Variants in RABGAP1L observed in about 807,000 individuals in gnomAD.
The protein encoded by RABGAP1L is rab GTPase-activating protein 1-like.
RABGAP1L carries 63 observed loss-of-function variants against 137.7 expected under a neutral mutation model. The observed-to-expected ratio is 0.46, with a 90% confidence interval of 0.37 to 0.56. The LOEUF (loss-of-function observed/expected upper bound fraction) is 0.56. Among genes scored for constraint, RABGAP1L ranks in the 20% least tolerant of loss-of-function variants. RABGAP1L has a pLI of 0.00. For missense variants in RABGAP1L, 1,095 were observed against 1,244.0 expected (o/e 0.88, Z 1.80); for synonymous variants, 431 against 433.7 (o/e 0.99, Z 0.08).
At chr1:174,283,372 A>G (rs980765420) in intron 10 of RABGAP1L, among the ~76,000 whole-genome samples, 2 of 151,994 alleles carry the variant, frequency 1.3e-5, no homozygotes, top group South Asian at 2.1e-4. Context: ...TGCCACTTGC[A>G]CTCCAGCCTG....
intron 16 of RABGAP1L, 134 bp downstream of exon 16, chr1:174,699,784 C>A: frequency 1.2e-6 from 1 of 851,684 alleles, no homozygotes; most frequent in Non-Finnish European, 1.8e-6. Context: ...GATTTAGTTT[C>A]AGACCAATAT....
intron 19 of RABGAP1L, among the ~76,000 whole-genome samples, chr1:174,933,747 A>G (rs1021262993): frequency 6.6e-6 from 1 of 152,160 alleles, no homozygotes; most frequent in Non-Finnish European, 1.5e-5. Flanking sequence ...TAGAGTCTCA[A>G]CTTAGTATTC....
intron 18 of RABGAP1L, among the ~76,000 whole-genome samples, chr1:174,787,009 G>T (rs772396037): frequency 6.6e-6 from 1 of 152,104 alleles, no homozygotes; most frequent in Non-Finnish European, 1.5e-5. Flanking sequence ...GGAGACAGAC[G>T]TGCCTACAAA....
chr1:174,479,436 A>G (rs1658847191), intron 13 of RABGAP1L, among the ~76,000 whole-genome samples: 1 of 152,148 alleles, frequency 6.6e-6, no homozygotes, highest in African/African-American at 2.4e-5. Flanking sequence ...GGGACCCAGG[A>G]ATTTGCACTT....
chr1:174,558,760 C>T (rs1667034255), intron 13 of RABGAP1L, among the ~76,000 whole-genome samples: 1 of 152,010 alleles, frequency 6.6e-6, no homozygotes, highest in Admixed American at 6.6e-5. Context: ...AGGTTCATTC[C>T]CGTGGGCATT....
chr1:174,323,183 G>C (rs760107293), intron 11 of RABGAP1L, among the ~76,000 whole-genome samples: 3 of 151,910 alleles, frequency 2.0e-5, no homozygotes, highest in African/African-American at 7.3e-5. Flanking sequence ...CTGTTTTGTG[G>C]CATATATATT....
At chr1:174,260,650 T>C (rs1673505091) in intron 7 of RABGAP1L, among the ~76,000 whole-genome samples, 3 of 152,216 alleles carry the variant, frequency 2.0e-5, no homozygotes, top group African/African-American at 7.2e-5. Flanking sequence ...GCCATTATTA[T>C]GGGTTTTGGT....
chr1:174,335,704 G>C (rs553552787), intron 11 of RABGAP1L, among the ~76,000 whole-genome samples: 1 of 152,290 alleles, frequency 6.6e-6, no homozygotes, highest in African/African-American at 2.4e-5. Context: ...TTGTAACATG[G>C]ATAGTAAACT....
chr1:174,444,600 T>C (rs891942086), intron 13 of RABGAP1L, among the ~76,000 whole-genome samples: 1 of 152,140 alleles, frequency 6.6e-6, no homozygotes. Flanking sequence ...AGACTTTTTA[T>C]TATTGCTTCA....
intron 11 of RABGAP1L, among the ~76,000 whole-genome samples, chr1:174,317,334 T>C (rs909268903): frequency 1.3e-5 from 2 of 152,122 alleles, no homozygotes; most frequent in African/African-American, 4.8e-5. Context: ...GGTTATTTCA[T>C]GTCCAAGGCT....
chr1:174,583,633 A>G (rs998119994), intron 13 of RABGAP1L, among the ~76,000 whole-genome samples: 2 of 152,150 alleles, frequency 1.3e-5, no homozygotes, highest in Non-Finnish European at 2.9e-5. Context: ...AGGAATGGCC[A>G]TGTATTTGCT....
intron 15 of RABGAP1L, among the ~76,000 whole-genome samples, chr1:174,696,617 T>C (rs955599830): frequency 1.2e-4 from 18 of 152,212 alleles, no homozygotes; most frequent in Admixed American, 1.2e-3. Flanking sequence ...GTGTGCCTGC[T>C]AAATTCTGCC....
intron 16 of RABGAP1L, chr1:174,700,292 C>T (rs1177613480): frequency 6.6e-6 from 1 of 152,136 alleles, no homozygotes; most frequent in Admixed American, 6.5e-5. Flanking sequence ...GGAGTTCTAC[C>T]TGAAGTTGAT....
intron 14 of RABGAP1L, among the ~76,000 whole-genome samples, chr1:174,638,235 A>T (rs1017164678): frequency 2.6e-5 from 4 of 152,244 alleles, no homozygotes; most frequent in Non-Finnish European, 5.9e-5. Flanking sequence ...CTAATTTGTA[A>T]GTTAGGTAAT....
At chr1:174,294,589 T>C (rs1676937440) in intron 10 of RABGAP1L, among the ~76,000 whole-genome samples, 1 of 152,166 alleles carries the variant, frequency 6.6e-6, no homozygotes, top group South Asian at 2.1e-4. Context: ...TCTAGATTTT[T>C]AATTGAGAAA....
intron 15 of RABGAP1L, among the ~76,000 whole-genome samples, chr1:174,684,563 C>T (rs7543502): frequency 0.078 from 11,912 of 152,186 alleles, 646 homozygotes; most frequent in East Asian, 0.31. Context: ...AATGAGGAAC[C>T]ATTGATCACT....
At chr1:174,323,150 GAT>G (rs1344384983) in intron 11 of RABGAP1L, among the ~76,000 whole-genome samples, 1 of 151,990 alleles carries the variant, frequency 6.6e-6, no homozygotes, top group African/African-American at 2.4e-5. Context: ...TTTGAAGAAA[GAT>G]AACTGATTTG....
intron 19 of RABGAP1L, among the ~76,000 whole-genome samples, chr1:174,882,006 C>T (rs1654312357): frequency 6.6e-6 from 1 of 151,834 alleles, no homozygotes; most frequent in Admixed American, 6.6e-5. Context: ...GGATTATAGG[C>T]ATGCGCCACC....
Position 174,990,317 on chromosome 1 carries a change from A to G in RABGAP1L, c.*316A>G, listed in dbSNP as rs72717677. On this transcript the variant is annotated 3_prime_UTR_variant, in exon 26 of 26. Coordinates refer to ENST00000681986, the MANE Select transcript of RABGAP1L (RefSeq NM_001366446.1). ...ACTAAATGCTTTTTTATTTAGAATT[A>G]TTCATAATTATTTTTATCTTACATA... The G allele has an allele frequency of 9.2e-3, 1,867 of 202,424 alleles. 17 individuals carry two copies. The highest frequency in any genetic ancestry group is 0.014 in the Non-Finnish European group (1,413 of 102,062). 12.5% of individuals were successfully genotyped at this position (202,424 alleles called of 1,614,324 possible).
Sources: allele counts gnomAD v4.1 joint callset (sites outside exome capture counted in the v4.1 genomes callset), GRCh38; gene constraint gnomAD v4.1.1; transcripts MANE v1.5; gene names NCBI Gene and HGNC (gene_info 2026-07-23, HGNC 2026-07-21).